ST3GAL6: variants seen among roughly 807,000 people sequenced by gnomAD.
The protein encoded by ST3GAL6 is ST3 beta-galactoside alpha-2,3-sialyltransferase 6, also known as type 2 lactosamine alpha-2,3-sialyltransferase.
In ST3GAL6, 31 loss-of-function variants were observed where a neutral mutation model predicts 40.5. The observed-to-expected ratio is 0.77, with a 90% CI of 0.58 to 1.03. The LOEUF (loss-of-function observed/expected upper bound fraction) is 1.03. Among genes scored for constraint, ST3GAL6 ranks in the 50% least tolerant of loss-of-function variants. The pLI is 0.00. For synonymous variants in ST3GAL6, 129 were observed against 136.9 expected, an observed-to-expected ratio of 0.94 and a Z score of 0.40; for missense variants, 357 against 393.2, an observed-to-expected ratio of 0.91 and a Z score of 0.78.
At chr3:98,768,326 C>T (rs1938603757) in intron 1 of ST3GAL6, 104 bp from the exon 2 acceptor site, 3 of 825,050 alleles carry the variant, frequency 3.6e-6, no homozygotes, top group Admixed American at 2.2e-5. Context: ...TTCTATAGTT[C>T]CTTTTGTATA....
chr3:98,775,351 C>T (rs1393144843), intron 5 of ST3GAL6, among the ~76,000 whole-genome samples: 1 of 152,022 alleles, frequency 6.6e-6, no homozygotes, highest in East Asian at 1.9e-4. Context: ...TGGCGCATGC[C>T]TGTAGTCCCA....
At chr3:98,783,560 T>C (rs750944221) in intron 5 of ST3GAL6, 6 of 983,198 alleles carry the variant, frequency 6.1e-6, no homozygotes, top group Non-Finnish European at 7.2e-6. Flanking sequence ...GCTCCATCTA[T>C]AGACTCCCAG....
chr3:98,754,882 C>T (rs1203471449), intron 1 of ST3GAL6, among the ~76,000 whole-genome samples: 1 of 152,200 alleles, frequency 6.6e-6, no homozygotes. Context: ...GGTTTTTAGA[C>T]ACAATGCTAT....
chr3:98,733,049 C>T, intron 1 of ST3GAL6: 1 of 1,415,892 alleles, frequency 7.1e-7, no homozygotes, highest in Non-Finnish European at 9.2e-7. Context: ...CCGGTCTGGG[C>T]CGGGGTCCGG....
At chr3:98,787,320 T>G (rs1023549172) in intron 6 of ST3GAL6, among the ~76,000 whole-genome samples, 6 of 152,188 alleles carry the variant, frequency 3.9e-5, no homozygotes, top group Admixed American at 1.3e-4. Context: ...TTATATTACG[T>G]AGAGTCAGTA....
In ST3GAL6 at chr3:98,795,846, A is replaced by T. The variant is rs771767646; in HGVS notation, c.*2085A>T. On this transcript the variant is annotated 3_prime_UTR_variant, in exon 10 of 10. Coordinates refer to ENST00000483910, the MANE Select transcript of ST3GAL6 (RefSeq NM_001323368.2). ...AAATAAAAGTTGAAATTATTTTTTT[A>T]AAAAAAGGATGGCGCTGGTCATAGA... The T allele has an allele frequency of 1.3e-4, 20 of 152,426 alleles. No homozygotes were observed. The highest frequency in any genetic ancestry group is 2.9e-4 in the African/African-American group (12 of 41,558). 9.4% of individuals were successfully genotyped at this position (152,426 alleles called of 1,614,324 possible).
In ST3GAL6 at chr3:98,733,462, G is replaced by T. The variant is rs148391793; in HGVS notation, c.-12+930G>T. ...TTCTTGTAAAAGGGTCTGTACGCGA[G>T]GAGGGTTGAGGGGTCTGGAAGGTTC... On this transcript the variant is annotated intron_variant, in intron 1 of 9. Coordinates refer to the ST3GAL6 transcript ENST00000265261. The T allele has an allele frequency of 1.8e-3, 1,745 of 990,372 alleles. 22 individuals carry two copies. In the African/African-American group the frequency reaches 0.028, roughly 16 times the overall value. The allele number at this position is 990,372 out of a possible 1,614,324, so 61.3% of individuals were successfully genotyped here. A position where few individuals can be genotyped will look rare whatever the true frequency, so the allele number is the denominator to read the frequency against.
At chr3:98,785,088 T>A in intron 6 of ST3GAL6, 48 bp downstream of exon 6, 1 of 1,396,190 alleles carries the variant, frequency 7.2e-7, no homozygotes, top group Non-Finnish European at 1.0e-6. Flanking sequence ...CAAAAGAATA[T>A]GGTTTCTTGC....
At position 98,781,868 on chromosome 3, in the gene ST3GAL6, G is replaced by C. The variant is rs114498120; in HGVS notation, c.336-3077G>C. ...TCTTGTCTTAGCCATGCCTTCCCCA[G>C]TGCCCAGCCTTGCTTAACATTCCTA... On this transcript the variant is annotated intron_variant, in intron 5 of 9. Coordinates refer to ENST00000483910, the MANE Select transcript of ST3GAL6 (RefSeq NM_001323368.2). 8.2e-3 allele frequency among the ~76,000 whole-genome samples: 1,242 copies of C among 152,334 alleles called. 5 individuals are homozygous for C. The highest frequency in any genetic ancestry group is 0.014 in the Middle Eastern group (4 of 294).
chr3:98,733,502 A>G (rs1419077453), intron 1 of ST3GAL6: 1 of 987,022 alleles, frequency 1.0e-6, no homozygotes, highest in African/African-American at 1.7e-5. Context: ...CTCTTACCGT[A>G]TAAAGTTTTT....
chr3:98,788,234 A>C lies in ST3GAL6; in HGVS notation c.618+12A>C. The C allele has an allele frequency of 3.1e-6, 5 of 1,604,540 alleles. No homozygotes were observed. Among genetic ancestry groups the C allele is most frequent in the Non-Finnish European group, 4.3e-6 (5 of 1,174,462 alleles). On this transcript the variant is annotated intron_variant, in intron 7 of 9. Coordinates refer to ENST00000483910, the MANE Select transcript of ST3GAL6 (RefSeq NM_001323368.2). ...TGGGTGACAAAATAGTAAGTAGGCA[A>C]AATTGTTCTGCCTTCAGATTACCTT... is the stretch of plus-strand genomic sequence containing the variant.
chr3:98,761,736 A>AT (rs376499668), upstream of ST3GAL6, among the ~76,000 whole-genome samples: 2 of 152,238 alleles, frequency 1.3e-5, no homozygotes, highest in African/African-American at 4.8e-5. Flanking sequence ...CTTTAAGAGA[A>AT]TAAATGGGCA....
chr3:98,773,558 T>G (rs139308080), intron 4 of ST3GAL6: 1 of 165,662 alleles, frequency 6.0e-6, no homozygotes, highest in East Asian at 1.7e-4. Flanking sequence ...TTTTTTGTTT[T>G]ATTTTTTATT....
rs1345673373 is a variant in ST3GAL6, at chr3:98,795,842, T to G, written c.*2081T>G. ...TCTAAAATAAAAGTTGAAATTATTTTTTTAAAAAAAGGATGGCGCTGGTCA... is the reference window on the plus strand; with the variant it reads ...TCTAAAATAAAAGTTGAAATTATTTGTTTAAAAAAAGGATGGCGCTGGTCA... On this transcript the variant is annotated 3_prime_UTR_variant, in exon 10 of 10. Coordinates refer to ENST00000483910, the MANE Select transcript of ST3GAL6 (RefSeq NM_001323368.2). 1 of 152,320 alleles carries G rather than the reference T, an allele frequency of 6.6e-6. No homozygotes were observed. The highest frequency in any genetic ancestry group is 1.5e-5 in the Non-Finnish European group (1 of 68,036). 9.4% of individuals were successfully genotyped at this position (152,320 alleles called of 1,614,324 possible). A position where few individuals can be genotyped will look rare whatever the true frequency, so the allele number is the denominator to read the frequency against.
intron 8 of ST3GAL6, among the ~76,000 whole-genome samples, chr3:98,788,938 CA>C (rs1035215559): frequency 4.6e-5 from 7 of 152,240 alleles, no homozygotes; most frequent in African/African-American, 1.7e-4. Context: ...AGTCCAGAAA[CA>C]TTTCTGTGGT....
At chr3:98,783,701 C>A in intron 5 of ST3GAL6, 1 of 985,360 alleles carries the variant, frequency 1.0e-6, no homozygotes, top group Non-Finnish European at 1.2e-6. Context: ...TGCTGGACAG[C>A]CCTCCCCGCC....
At chr3:98,757,325 T>C (rs1170411219) in intron 1 of ST3GAL6, among the ~76,000 whole-genome samples, 2 of 152,204 alleles carry the variant, frequency 1.3e-5, no homozygotes, top group Non-Finnish European at 2.9e-5. Flanking sequence ...GATTTAGTCC[T>C]AGGGAACCTC....
At chr3:98,740,649 T>A (rs1936002742) in intron 1 of ST3GAL6, among the ~76,000 whole-genome samples, 1 of 152,206 alleles carries the variant, frequency 6.6e-6, no homozygotes, top group African/African-American at 2.4e-5. Context: ...ATCTATAAAT[T>A]TGAAATAATA....
chr3:98,785,515 G>T (rs866703265), intron 6 of ST3GAL6, among the ~76,000 whole-genome samples: 1 of 152,168 alleles, frequency 6.6e-6, no homozygotes, highest in Non-Finnish European at 1.5e-5. Context: ...AAGGATGTTT[G>T]CTGCAGGGCC....
Sources: allele counts gnomAD v4.1 joint callset (sites outside exome capture counted in the v4.1 genomes callset), GRCh38; gene constraint gnomAD v4.1.1; transcripts MANE v1.5; gene names NCBI Gene and HGNC (gene_info 2026-07-23, HGNC 2026-07-21).